The following AP3B1 variants were observed in gnomAD, a reference collection of about 807,000 sequenced individuals.
AP3B1 encodes the protein AP-3 complex subunit beta-1.
A neutral mutation model predicts 132.5 loss-of-function variants in AP3B1; 61 were observed. That is an observed-to-expected ratio of 0.46 (90% confidence interval 0.37 to 0.57). The LOEUF (loss-of-function observed/expected upper bound fraction) is 0.57, where lower values mean the gene tolerates loss of function less well. AP3B1 is among the 20% of genes least tolerant of loss of function. AP3B1 has a pLI of 0.00. For missense variants in AP3B1, 1,120 were observed against 1,289.4 expected, an observed-to-expected ratio of 0.87 and a Z score of 2.01; for synonymous variants, 388 against 438.3, an observed-to-expected ratio of 0.89 and a Z score of 1.43.
At chr5:78,266,320 A>G (rs1376211088) in intron 2 of AP3B1, among the ~76,000 whole-genome samples, 2 of 152,216 alleles carry the variant, frequency 1.3e-5, no homozygotes, top group African/African-American at 4.8e-5. Context: ...TAACATTAAC[A>G]AATCAAAAAT....
chr5:78,077,005 T>A (rs1749794645), intron 22 of AP3B1, among the ~76,000 whole-genome samples: 1 of 152,300 alleles, frequency 6.6e-6, no homozygotes, highest in East Asian at 1.9e-4. Flanking sequence ...GAGAGTGGTT[T>A]TGGGAAATCC....
chr5:78,090,883 C>T (rs1321106198), intron 21 of AP3B1, among the ~76,000 whole-genome samples: 4 of 152,070 alleles, frequency 2.6e-5, no homozygotes, highest in African/African-American at 9.7e-5. Flanking sequence ...GCAATCCCTT[C>T]CTGGGCCCAA....
intron 22 of AP3B1, among the ~76,000 whole-genome samples, chr5:78,081,530 C>A (rs1193682214): frequency 6.6e-6 from 1 of 152,010 alleles, no homozygotes; most frequent in Non-Finnish European, 1.5e-5. Flanking sequence ...ATCTCCTGAC[C>A]TCGTGATCCG....
intron 7 of AP3B1, among the ~76,000 whole-genome samples, chr5:78,185,895 T>C (rs1433688671): frequency 6.6e-6 from 1 of 151,916 alleles, no homozygotes; most frequent in African/African-American, 2.4e-5. Context: ...AAATAGGTTT[T>C]AATTAATAAA....
intron 22 of AP3B1, among the ~76,000 whole-genome samples, chr5:78,050,474 C>T (rs1199261863): frequency 1.3e-5 from 2 of 151,184 alleles, no homozygotes; most frequent in African/African-American, 4.9e-5. Flanking sequence ...GCTGAGTGCT[C>T]AATTATAACA....
intron 21 of AP3B1, among the ~76,000 whole-genome samples, chr5:78,089,908 A>G (rs1037135874): frequency 7.9e-5 from 12 of 152,184 alleles, no homozygotes; most frequent in Non-Finnish European, 1.5e-4. Context: ...TTCAAATCCT[A>G]TATCTATTTT....
chr5:78,158,031 G>A (rs1044032624), intron 13 of AP3B1, among the ~76,000 whole-genome samples: 10 of 152,156 alleles, frequency 6.6e-5, no homozygotes, highest in Non-Finnish European at 1.5e-4. Flanking sequence ...TTACCGGTGT[G>A]AGCCACCATG....
intron 21 of AP3B1, among the ~76,000 whole-genome samples, chr5:78,091,325 C>G (rs1750505617): frequency 6.8e-6 from 1 of 147,538 alleles, no homozygotes; most frequent in Non-Finnish European, 1.5e-5. Context: ...ATGATACGGC[C>G]AAAGAAGAAA....
intron 14 of AP3B1, among the ~76,000 whole-genome samples, chr5:78,146,749 G>C (rs1239339778): frequency 6.6e-6 from 1 of 151,816 alleles, no homozygotes; most frequent in Non-Finnish European, 1.5e-5. Flanking sequence ...TACATGTTTT[G>C]AAATAAAGCA....
chr5:78,262,442 T>C (rs1161514313), intron 2 of AP3B1, among the ~76,000 whole-genome samples: 1 of 152,128 alleles, frequency 6.6e-6, no homozygotes, highest in East Asian at 1.9e-4. Flanking sequence ...TTTTCTTGCA[T>C]ATATATATAA....
intron 7 of AP3B1, among the ~76,000 whole-genome samples, chr5:78,214,486 T>C (rs1388895301): frequency 2.0e-5 from 3 of 152,168 alleles, no homozygotes; most frequent in African/African-American, 7.2e-5. Flanking sequence ...AGTTTCTATA[T>C]AATTACAAGC....
chr5:78,103,800 G>A (rs1221154328), intron 20 of AP3B1, among the ~76,000 whole-genome samples: 1 of 151,692 alleles, frequency 6.6e-6, no homozygotes, highest in African/African-American at 2.4e-5. Context: ...AAGTCACAGG[G>A]TCAAAAAAAC....
intron 17 of AP3B1, chr5:78,121,592 T>G (rs1752199326): frequency 6.6e-6 from 1 of 152,200 alleles, no homozygotes; most frequent in Non-Finnish European, 1.5e-5. Flanking sequence ...CTAGAAAATC[T>G]AGAAGAAATG....
chr5:78,071,045 A>G (rs965983041), intron 22 of AP3B1, among the ~76,000 whole-genome samples: 5 of 152,360 alleles, frequency 3.3e-5, no homozygotes, highest in Non-Finnish European at 5.9e-5. Flanking sequence ...TGACCCACCA[A>G]TCCCATTACT....
At chr5:78,120,163 G>A (rs1049770105) in intron 17 of AP3B1, among the ~76,000 whole-genome samples, 1 of 152,106 alleles carries the variant, frequency 6.6e-6, no homozygotes, top group Non-Finnish European at 1.5e-5. Flanking sequence ...TCACCACCCG[G>A]CCTGCCCTAA....
chr5:78,148,352 A>G (rs1369680432), intron 14 of AP3B1, among the ~76,000 whole-genome samples: 2 of 152,196 alleles, frequency 1.3e-5, no homozygotes, highest in African/African-American at 4.8e-5. Context: ...TCATAATCAG[A>G]TACATACTTC....
intron 22 of AP3B1, among the ~76,000 whole-genome samples, chr5:78,067,983 T>A (rs1471507440): frequency 1.3e-5 from 2 of 148,292 alleles, no homozygotes; most frequent in Non-Finnish European, 3.0e-5. Flanking sequence ...ATCCAGGAGC[T>A]GGTTGTTTGA....
intron 2 of AP3B1, among the ~76,000 whole-genome samples, chr5:78,263,548 A>T (rs951050545): frequency 5.9e-5 from 9 of 152,218 alleles, no homozygotes; most frequent in African/African-American, 2.2e-4. Flanking sequence ...CAGAAGTGGT[A>T]AAAGCAAGCA....
At chr5:78,191,354 C>CAAA (rs34733864) in intron 7 of AP3B1, among the ~76,000 whole-genome samples, 24 of 72,814 alleles carry the variant, frequency 3.3e-4, no homozygotes, top group African/African-American at 7.1e-4. Flanking sequence ...TGCTTTTCCC[C>CAAA]AAAAAAAAAA....
Sources: gnomAD v4.1 joint callset for allele counts (sites outside exome capture counted in the v4.1 genomes callset) on GRCh38, gnomAD v4.1.1 for gene constraint, MANE v1.5 for transcripts, NCBI Gene and HGNC (gene_info 2026-07-23, HGNC 2026-07-21) for gene names.